The following RIC8A variants were observed in gnomAD, a reference collection of about 807,000 sequenced individuals.
The protein encoded by RIC8A is chaperone Ric-8A.
In RIC8A, 37 loss-of-function variants were observed where a neutral mutation model predicts 48.4. The observed-to-expected ratio is 0.77, with a 90% CI of 0.59 to 1.01. RIC8A has a LOEUF of 1.01. Ranked by LOEUF, RIC8A falls within the 50% of genes least tolerant of loss-of-function variation. The probability of loss-of-function intolerance (pLI) is 0.00; values close to 1 mark genes in which losing one functional copy is unlikely to be tolerated. For missense variants in RIC8A, 681 were observed against 696.8 expected (o/e 0.98, Z 0.25); for synonymous variants, 288 against 283.4 (o/e 1.02, Z -0.16).
Position 213,808 on chromosome 11 carries a change from G to A in RIC8A, c.1475+390G>A, listed in dbSNP as rs558356693. On this transcript the variant is annotated intron_variant, in intron 9 of 9. Coordinates refer to ENST00000526104, the MANE Select transcript of RIC8A (RefSeq NM_001286134.2). ...AATACAAAAAAAAAGTTAGCTGGGC[G>A]TGGTGGTGGGCGCCTGTAGTCCCAG... 3.2e-4 allele frequency: 77 copies of A among 239,402 alleles called. 2 individuals are homozygous for A. In the South Asian group the frequency reaches 3.5e-3, roughly 11 times the overall value. The allele number at this position is 239,402 out of a possible 1,614,324, so 14.8% of individuals were successfully genotyped here.
chr11:209,894 AC>A lies in RIC8A; in HGVS notation c.626del (p.Pro209HisfsTer51), dbSNP rs3832797. ...ELTLGVTPEG[N>X]PPPTLLPSQE... ...ACGCTGGGGGTGACTCCTGAAGGGA[AC>A]CCCCCACCCACGCTCCTTCCTTCCC... On this transcript the variant is annotated frameshift_variant, in exon 3 of 10. Transcript: ENST00000526104. LOFTEE classifies it high-confidence loss of function. The A allele has an allele frequency of 1.2e-6, 2 of 1,609,626 alleles. No homozygotes were observed.
chr11:210,297 T>A, intron 3 of RIC8A: 1 of 691,312 alleles, frequency 1.4e-6, no homozygotes, highest in Admixed American at 2.0e-5. Context: ...TGAGACAGAG[T>A]GTGACTTCAT....
At position 214,617 on chromosome 11, in the gene RIC8A, G is replaced by T; in HGVS notation, c.*267G>T. 1 of 519,826 alleles carries T rather than the reference G, an allele frequency of 1.9e-6. No homozygotes were observed. Among genetic ancestry groups the T allele is most frequent in the Non-Finnish European group, 3.6e-6 (1 of 281,650 alleles). The allele number at this position is 519,826 out of a possible 1,614,324, so 32.2% of individuals were successfully genotyped here. On this transcript the variant is annotated 3_prime_UTR_variant, in exon 10 of 10. Transcript: ENST00000526104. ...AAGTACTTTCTTTTGTCTGCGCCAA[G>T]AGGAATGTGTTCAGAAGCTGCTGCC...
rs954514920 is a variant in RIC8A, at chr11:211,433, G to A, written c.969+84G>A. 7 of 1,373,808 alleles carry A rather than the reference G, an allele frequency of 5.1e-6. No homozygotes were observed. The highest frequency in any genetic ancestry group is 6.0e-6 in the Non-Finnish European group (6 of 1,005,148). 85.1% of individuals were successfully genotyped at this position (1,373,808 alleles called of 1,614,324 possible). ...CAGATGTGGTCAGTGCTTCCACACTGTCCACACTGGTACGTGGAGATTGTC... is the reference window on the plus strand; with the variant it reads ...CAGATGTGGTCAGTGCTTCCACACTATCCACACTGGTACGTGGAGATTGTC... On this transcript the variant is annotated intron_variant, in intron 5 of 9. Transcript: ENST00000526104. The surrounding 1 kb of genome is among the most constrained non-coding windows in gnomAD (Gnocchi z 4.0).
intron 9 of RIC8A, chr11:213,655 C>A: frequency 2.2e-6 from 1 of 461,426 alleles, no homozygotes; most frequent in Non-Finnish European, 3.8e-6. Flanking sequence ...AATTAAGAGA[C>A]TGTCTAAGGC....
At position 208,525 on chromosome 11, in the gene RIC8A, G is replaced by A. The variant is rs1208204684; in HGVS notation, c.-330G>A. ...TGGAGCTCGAGGGGCGTCACTGTGT[G>A]TGTGGCAGGGCACGGTGGGGGCTGA... On this transcript the variant is annotated 5_prime_UTR_variant, in exon 1 of 10. In the 5' UTR this introduces an upstream ATG that the reference lacks. Transcript: ENST00000526104. The surrounding 1 kb of genome is among the most constrained non-coding windows in gnomAD (Gnocchi z 4.8). The A allele has an allele frequency of 2.9e-5, 8 of 272,946 alleles. No homozygotes were observed. The highest frequency in any genetic ancestry group is 6.8e-5 in the African/African-American group (3 of 44,030). 16.9% of individuals were successfully genotyped at this position (272,946 alleles called of 1,614,324 possible).
chr11:212,378 G>A, intron 5 of RIC8A, 38 bp from the exon 6 acceptor site: 1 of 1,582,594 alleles, frequency 6.3e-7, no homozygotes, highest in South Asian at 1.1e-5. Flanking sequence ...CACAAGTTAG[G>A]CAGGGGCATA....
chr11:208,540 G>A lies in RIC8A; in HGVS notation c.-315G>A. The A allele has an allele frequency of 3.4e-6, 1 of 293,116 alleles. No homozygotes were observed. Among genetic ancestry groups the A allele is most frequent in the Non-Finnish European group, 6.3e-6 (1 of 159,940 alleles). 18.2% of individuals were successfully genotyped at this position (293,116 alleles called of 1,614,324 possible). ...GTCACTGTGTGTGTGGCAGGGCACG[G>A]TGGGGGCTGAGATCGTTTCCTGTTG... On this transcript the variant is annotated 5_prime_UTR_variant, in exon 1 of 10. In the 5' UTR this introduces an upstream ATG that the reference lacks. Coordinates refer to ENST00000526104, the MANE Select transcript of RIC8A (RefSeq NM_001286134.2). The surrounding 1 kb of genome is among the most constrained non-coding windows in gnomAD (Gnocchi z 4.8).
rs1855500297 is a variant in RIC8A, at chr11:214,886, G to A, written c.*536G>A. 4.5e-6 allele frequency: 1 copy of A among 223,436 alleles called. No individual in the cohort carries two copies. The highest frequency in any genetic ancestry group is 5.2e-5 in the Admixed American group (1 of 19,094). 13.8% of individuals were successfully genotyped at this position (223,436 alleles called of 1,614,324 possible). A position where few individuals can be genotyped will look rare whatever the true frequency, so the allele number is the denominator to read the frequency against. On this transcript the variant is annotated 3_prime_UTR_variant, in exon 10 of 10. Coordinates refer to ENST00000526104, the MANE Select transcript of RIC8A (RefSeq NM_001286134.2). ...TCCTGTCTTCACTGAGCGCAGGGCTGGAGGCCTCTTAGACATTCTCCTTGG... is the reference window on the plus strand; with the variant it reads ...TCCTGTCTTCACTGAGCGCAGGGCTAGAGGCCTCTTAGACATTCTCCTTGG...
chr11:207,716 C>T lies in RIC8A; in HGVS notation c.-1139C>T. 1 of 216,600 alleles carries T rather than the reference C, an allele frequency of 4.6e-6. No homozygotes were observed. The highest frequency in any genetic ancestry group is 9.4e-6 in the Non-Finnish European group (1 of 106,332). 13.4% of individuals were successfully genotyped at this position (216,600 alleles called of 1,614,324 possible). ...GGCGGGGCCGTTTGCTTGCTCAGTGCCTAGACGATGGTGGTGGAAAGACGC... is the reference window on the plus strand; with the variant it reads ...GGCGGGGCCGTTTGCTTGCTCAGTGTCTAGACGATGGTGGTGGAAAGACGC... On this transcript the variant is annotated 5_prime_UTR_variant, in exon 1 of 10. Coordinates refer to ENST00000526104, the MANE Select transcript of RIC8A (RefSeq NM_001286134.2).
chr11:212,907 A>G lies in RIC8A; in HGVS notation c.1281A>G (p.Ala427=). 1 of 1,605,712 alleles carries G rather than the reference A, an allele frequency of 6.2e-7. No homozygotes were observed. The highest frequency in any genetic ancestry group is 8.5e-7 in the Non-Finnish European group (1 of 1,175,756). The change falls in exon 8 of 10, where the codon GCA becomes GCG. Residue 427 remains alanine, a synonymous_variant. Coordinates refer to ENST00000526104, the MANE Select transcript of RIC8A (RefSeq NM_001286134.2). ...AGLLAARGLM[A]GGRPEGQYSE... is the part of the protein sequence containing the mutation. ...TTCTGGCTGCCAGGGGCCTCATGGC[A>G]GGAGGCCGGCCCGAGGGCCAGTACT... is the stretch of plus-strand genomic sequence containing the variant.
intron 3 of RIC8A, 84 bp downstream of exon 3, chr11:210,084 T>C (rs2133747879): frequency 1.6e-6 from 2 of 1,214,326 alleles, no homozygotes; most frequent in Middle Eastern, 4.9e-4. Flanking sequence ...TACCTTCAGG[T>C]TTCTGGGTGT....
intron 9 of RIC8A, chr11:213,740 C>T (rs12226698): frequency 0.05 from 13,188 of 264,056 alleles, 474 homozygotes; most frequent in East Asian, 0.14. Context: ...GTCAGGAGAT[C>T]GAGACCATCC....
chr11:211,307 G>C lies in RIC8A; in HGVS notation c.927G>C (p.Val309=). ...AGTTCATGGGAGTGAATATGGATGT[G>C]ATTCGTGCCCTCCTCATCTTCCTAG... ...STEFMGVNMD[V]IRALLIFLEK... The change falls in exon 5 of 10, where the codon GTG becomes GTC. Residue 309 remains valine, a synonymous_variant. Coordinates refer to ENST00000526104, the MANE Select transcript of RIC8A (RefSeq NM_001286134.2). The surrounding 1 kb of genome is among the most constrained non-coding windows in gnomAD (Gnocchi z 4.0). The C allele has an allele frequency of 1.2e-6, 2 of 1,614,186 alleles. No individual in the cohort carries two copies. Among genetic ancestry groups the C allele is most frequent in the Non-Finnish European group, 1.7e-6 (2 of 1,180,016 alleles).
At chr11:210,236 G>A (rs1038686371) in intron 3 of RIC8A, 17 of 653,454 alleles carry the variant, frequency 2.6e-5, no homozygotes, top group Middle Eastern at 3.4e-4. Flanking sequence ...GGGCTGTGTG[G>A]TGTCTGGGGA....
intron 7 of RIC8A, 37 bp from the exon 8 acceptor site, chr11:212,800 G>A: frequency 6.2e-7 from 1 of 1,611,560 alleles, no homozygotes; most frequent in Non-Finnish European, 8.5e-7. Flanking sequence ...CCCCACCTCA[G>A]CCAGGCTTGC....
intron 5 of RIC8A, 36 bp from the exon 6 acceptor site, chr11:212,379 CA>C: frequency 6.3e-7 from 1 of 1,596,962 alleles, no homozygotes. Flanking sequence ...ACAAGTTAGG[CA>C]GGGGCATAGC....
Position 209,189 on chromosome 11 carries a change from G to A in RIC8A, c.85-82G>A, listed in dbSNP as rs778479105. ...GTTCTGAGCAGTGGCTGCTGCCTGA[G>A]TTAGAGGCCAATAGGCCGCCCGCAT... On this transcript the variant is annotated intron_variant, in intron 1 of 9. Coordinates refer to ENST00000526104, the MANE Select transcript of RIC8A (RefSeq NM_001286134.2). The A allele has an allele frequency of 1.7e-5, 26 of 1,532,864 alleles. No individual in the cohort carries two copies. In the African/African-American group the frequency reaches 2.9e-4, roughly 17 times the overall value. 95.0% of individuals were successfully genotyped at this position (1,532,864 alleles called of 1,614,324 possible).
chr11:213,500 AG>A, intron 9 of RIC8A, 82 bp downstream of exon 9: 1 of 1,528,734 alleles, frequency 6.5e-7, no homozygotes, highest in Non-Finnish European at 8.8e-7. Flanking sequence ...CCCAGGAGGT[AG>A]GATCAGAGGA....
Sources: allele counts gnomAD v4.1 joint callset, GRCh38; gene constraint gnomAD v4.1.1; non-coding constraint Gnocchi (gnomAD v3.1); transcripts MANE v1.5; gene names NCBI Gene and HGNC (gene_info 2026-07-23, HGNC 2026-07-21).